ROBO2: variants seen among roughly 807,000 people sequenced by gnomAD.
ROBO2 encodes the protein roundabout homolog 2.
ROBO2 carries 53 observed loss-of-function variants against 160.8 expected under a neutral mutation model. That is an observed-to-expected ratio of 0.33 (90% CI 0.26 to 0.41). The LOEUF (loss-of-function observed/expected upper bound fraction) is 0.41. ROBO2 is among the 10% of genes least tolerant of loss of function. ROBO2 has a pLI of 1.00. For missense variants in ROBO2, 1,577 were observed against 1,722.4 expected (o/e 0.92, Z 1.49); for synonymous variants, 664 against 611.7 (o/e 1.09, Z -1.26).
intron 2 of ROBO2, among the ~76,000 whole-genome samples, chr3:77,239,392 AG>A (rs1252437525): frequency 6.6e-6 from 1 of 152,140 alleles, no homozygotes; most frequent in Non-Finnish European, 1.5e-5. Context: ...GTGAAGCTGC[AG>A]ACCTTTGCAG....
chr3:76,281,123 A>T, intron 2 of ROBO2, among the ~76,000 whole-genome samples: 1 of 151,804 alleles, frequency 6.6e-6, no homozygotes, highest in Non-Finnish European at 1.5e-5. Flanking sequence ...AATAAATCCA[A>T]CTGCATGCCC....
At chr3:77,230,428 C>T (rs979625519) in intron 2 of ROBO2, among the ~76,000 whole-genome samples, 6 of 152,042 alleles carry the variant, frequency 3.9e-5, no homozygotes, top group South Asian at 2.1e-4. Flanking sequence ...ATAATATAAA[C>T]GAAAGTTATT....
At chr3:77,090,468 C>T (rs2150014533) in intron 1 of ROBO2, among the ~76,000 whole-genome samples, 1 of 150,862 alleles carries the variant, frequency 6.6e-6, no homozygotes, top group Non-Finnish European at 1.5e-5. Context: ...ATTCTCCTGC[C>T]TCAGTCTCCC....
intron 2 of ROBO2, among the ~76,000 whole-genome samples, chr3:77,279,172 A>G (rs2060084162): frequency 6.6e-6 from 1 of 152,162 alleles, no homozygotes; most frequent in Non-Finnish European, 1.5e-5. Context: ...ATCACAATAT[A>G]AAATGAGTAG....
intron 2 of ROBO2, among the ~76,000 whole-genome samples, chr3:77,400,396 A>G (rs2075681009): frequency 6.6e-6 from 1 of 152,146 alleles, no homozygotes; most frequent in African/African-American, 2.4e-5. Flanking sequence ...TCAACTATTG[A>G]TCATGTGAAA....
intron 2 of ROBO2, among the ~76,000 whole-genome samples, chr3:77,393,804 G>A (rs1417287331): frequency 6.6e-6 from 1 of 151,726 alleles, no homozygotes; most frequent in African/African-American, 2.4e-5. Context: ...CTCAATCAAT[G>A]TGGTTGTTTC....
intron 2 of ROBO2, among the ~76,000 whole-genome samples, chr3:76,741,902 T>C (rs1408304672): frequency 6.6e-6 from 1 of 152,100 alleles, no homozygotes; most frequent in Non-Finnish European, 1.5e-5. Context: ...GCCTTCTTTT[T>C]ATGCCCTAAT....
chr3:76,520,148 A>G (rs2081531821), intron 2 of ROBO2, among the ~76,000 whole-genome samples: 1 of 152,064 alleles, frequency 6.6e-6, no homozygotes, highest in Non-Finnish European at 1.5e-5. Context: ...ATTGGTCCTC[A>G]TCGCATCAGA....
intron 2 of ROBO2, among the ~76,000 whole-genome samples, chr3:76,071,710 A>G (rs2068460820): frequency 6.6e-6 from 1 of 152,102 alleles, no homozygotes; most frequent in South Asian, 2.1e-4. Flanking sequence ...TAAATTCACT[A>G]AGAGAATTGG....
intron 2 of ROBO2, among the ~76,000 whole-genome samples, chr3:76,261,908 T>G (rs1171970178): frequency 6.6e-6 from 1 of 152,158 alleles, no homozygotes; most frequent in Non-Finnish European, 1.5e-5. Flanking sequence ...ACAGGTAGCT[T>G]TCTTTTAGAT....
At chr3:77,070,592 A>G (rs943983864) in intron 1 of ROBO2, among the ~76,000 whole-genome samples, 1 of 152,162 alleles carries the variant, frequency 6.6e-6, no homozygotes, top group Admixed American at 6.6e-5. Flanking sequence ...GGGACACACT[A>G]TTCAACCCAC....
chr3:77,130,659 A>G (rs538602404), intron 2 of ROBO2, among the ~76,000 whole-genome samples: 1 of 152,334 alleles, frequency 6.6e-6, no homozygotes, highest in Non-Finnish European at 1.5e-5. Context: ...TCAAGTACAT[A>G]CATTATTATT....
chr3:77,179,278 T>G (rs996487095), intron 2 of ROBO2, among the ~76,000 whole-genome samples: 5 of 151,828 alleles, frequency 3.3e-5, no homozygotes, highest in Admixed American at 6.6e-5. Context: ...CTCGGGAGAT[T>G]GAATTGCTAT....
intron 4 of ROBO2, among the ~76,000 whole-genome samples, chr3:77,484,853 C>A (rs551418612): frequency 1.4e-4 from 21 of 151,960 alleles, no homozygotes; most frequent in Admixed American, 5.9e-4. Flanking sequence ...AGTATTATGA[C>A]CATATTTCTT....
intron 2 of ROBO2, among the ~76,000 whole-genome samples, chr3:76,983,140 C>T (rs190173383): frequency 1.3e-5 from 2 of 152,014 alleles, no homozygotes; most frequent in Admixed American, 1.3e-4. Context: ...AAAAAATTAG[C>T]CGGGCGTGGT....
chr3:76,775,822 G>C (rs1560540593), intron 2 of ROBO2, among the ~76,000 whole-genome samples: 1 of 150,624 alleles, frequency 6.6e-6, no homozygotes, highest in Non-Finnish European at 1.5e-5. Context: ...TCTAAAATTG[G>C]AATAAAATTT....
intron 2 of ROBO2, among the ~76,000 whole-genome samples, chr3:77,165,193 G>T (rs1400064510): frequency 1.3e-5 from 2 of 150,818 alleles, no homozygotes; most frequent in Non-Finnish European, 3.0e-5. Flanking sequence ...AGACATGGGA[G>T]ACTTTTCATT....
chr3:77,558,176 A>G, intron 9 of ROBO2, 27 bp downstream of exon 10: 1 of 1,566,800 alleles, frequency 6.4e-7, no homozygotes, highest in South Asian at 1.1e-5. Flanking sequence ...TTGTACATGA[A>G]TTATCATCTA....
chr3:77,558,590 G>C (rs143989891), intron 9 of ROBO2, among the ~76,000 whole-genome samples: 1 of 152,132 alleles, frequency 6.6e-6, no homozygotes, highest in Non-Finnish European at 1.5e-5. Context: ...TACATAAACG[G>C]CGAGTTTGCC....
Sources: allele counts gnomAD v4.1 joint callset (sites outside exome capture counted in the v4.1 genomes callset), GRCh38; gene constraint gnomAD v4.1.1; transcripts MANE v1.5; gene names NCBI Gene and HGNC (gene_info 2026-07-23, HGNC 2026-07-21).